Variants in SMIM12 observed in about 807,000 individuals in gnomAD.
SMIM12 encodes small integral membrane protein 12, also known as UPF0767 protein C1orf212.
In SMIM12, 5 loss-of-function variants were observed where a neutral mutation model predicts 6.3. The observed-to-expected ratio is 0.80, with a 90% CI of 0.42 to 1.68. SMIM12 has a LOEUF of 1.68. Among genes scored for constraint, SMIM12 ranks in the 40% most tolerant of loss-of-function variants. The pLI, the probability that SMIM12 is intolerant of heterozygous loss-of-function variation, is 0.02. For synonymous variants in SMIM12, 51 were observed against 48.0 expected (o/e 1.06, Z -0.26); for missense variants, 103 against 121.4 (o/e 0.85, Z 0.71).
intron 1 of SMIM12, chr1:34,857,887 A>G (rs373844595): frequency 6.6e-6 from 1 of 152,174 alleles, no homozygotes; most frequent in East Asian, 1.9e-4. Flanking sequence ...AGGGGCACAC[A>G]ACGTAGATCC....
rs138978598 is a variant in SMIM12 at position 34,855,191 on chromosome 1, G to A, written c.*508C>T. 5 of 1,368,124 alleles carry A rather than the reference G, an allele frequency of 3.7e-6. No individual in the cohort carries two copies. In the African/African-American group the frequency reaches 5.9e-5, roughly 16 times the overall value. 84.7% of individuals were successfully genotyped at this position (1,368,124 alleles called of 1,614,324 possible). On this transcript the variant is annotated 3_prime_UTR_variant, in exon 2 of 2. Coordinates refer to ENST00000521580, the MANE Select transcript of SMIM12 (RefSeq NM_138428.6). ...TCTGGGCTTCCCAGAACAGAAAAGT[G>A]CTTTCCTTCCTGGGGGAATCCCATT...
rs2025004 is a variant in SMIM12, at chr1:34,851,813, C to T, written c.*3886G>A. 6.6e-6 allele frequency among the ~76,000 whole-genome samples: 1 copy of T among 151,960 alleles called. No homozygotes were observed. The highest frequency in any genetic ancestry group is 2.4e-5 in the African/African-American group (1 of 41,356). ...TGGGCTGGGAAGAGACGGGGGTAAGCGGGGAGCAAAAAGCCCCAAGCACAT... is the reference window on the plus strand; with the variant it reads ...TGGGCTGGGAAGAGACGGGGGTAAGTGGGGAGCAAAAAGCCCCAAGCACAT... On this transcript the variant is annotated 3_prime_UTR_variant, in exon 2 of 2. Coordinates refer to ENST00000521580, the MANE Select transcript of SMIM12 (RefSeq NM_138428.6).
rs752353316 is a variant in SMIM12, at chr1:34,855,099, A to G, written c.*600T>C. Reference sequence around the variant, plus strand: ...TTTTTCACTATACAGTGATGGGGGTAGAAGATGGTGACTGTTTTCAAGCAA... The same window carrying G: ...TTTTTCACTATACAGTGATGGGGGTGGAAGATGGTGACTGTTTTCAAGCAA... On this transcript the variant is annotated 3_prime_UTR_variant, in exon 2 of 2. Transcript: ENST00000521580. The G allele has an allele frequency of 7.6e-7, 1 of 1,321,340 alleles. No homozygotes were observed. The highest frequency in any genetic ancestry group is 1.0e-6 in the Non-Finnish European group (1 of 998,450). 81.9% of individuals were successfully genotyped at this position (1,321,340 alleles called of 1,614,324 possible). A position where few individuals can be genotyped will look rare whatever the true frequency, so the allele number is the denominator to read the frequency against.
Position 34,854,822 on chromosome 1 carries a change from C to CT in SMIM12, c.*876dup, listed in dbSNP as rs1272010413. ...GCGTCTATGTGTGTGTATGTGAGGT[C>CT]TACCTCCATTTAGACTTGAAGGTGC... On this transcript the variant is annotated 3_prime_UTR_variant, in exon 2 of 2. Transcript: ENST00000521580. The CT allele has an allele frequency of 5.0e-6, 1 of 200,520 alleles. No individual in the cohort carries two copies. The highest frequency in any genetic ancestry group is 5.4e-5 in the Admixed American group (1 of 18,690). 12.4% of individuals were successfully genotyped at this position (200,520 alleles called of 1,614,324 possible). A position where few individuals can be genotyped will look rare whatever the true frequency, so the allele number is the denominator to read the frequency against.
chr1:34,854,649 T>A lies in SMIM12; in HGVS notation c.*1050A>T, dbSNP rs779971732. On this transcript the variant is annotated 3_prime_UTR_variant, in exon 2 of 2. Coordinates refer to ENST00000521580, the MANE Select transcript of SMIM12 (RefSeq NM_138428.6). ...GTATATAAAATTAAATGTACAGTAA[T>A]GATAACTATCTCTAAAACCTATGCA... 2.0e-5 allele frequency: 3 copies of A among 153,200 alleles called. No individual in the cohort carries two copies. The highest frequency in any genetic ancestry group is 4.4e-5 in the Non-Finnish European group (3 of 68,820). 9.5% of individuals were successfully genotyped at this position (153,200 alleles called of 1,614,324 possible).
chr1:34,855,432 C>T lies in SMIM12; in HGVS notation c.*267G>A. The T allele has an allele frequency of 1.3e-6, 2 of 1,559,618 alleles. No individual in the cohort carries two copies. Among genetic ancestry groups the T allele is most frequent in the South Asian group, 2.2e-5 (2 of 89,788 alleles). On this transcript the variant is annotated 3_prime_UTR_variant, in exon 2 of 2. Coordinates refer to ENST00000521580, the MANE Select transcript of SMIM12 (RefSeq NM_138428.6). ...GACAGCCAATGTTCATCTCATAACT[C>T]TCCTCCCAGCAGTGCACCAGTAAAC...
Position 34,854,222 on chromosome 1 carries a change from C to T in SMIM12, c.*1477G>A, listed in dbSNP as rs1172943281. ...ACTTAGGAAGCTGAGGTAGGAGAAT[C>T]GCTTGAACCCAGGAGGCAGAAGTTG... is the stretch of plus-strand genomic sequence containing the variant. On this transcript the variant is annotated 3_prime_UTR_variant, in exon 2 of 2. Transcript: ENST00000521580. The T allele has an allele frequency of 2.0e-5, 3 of 152,132 alleles. No individual in the cohort carries two copies. The highest frequency in any genetic ancestry group is 2.9e-5 in the Non-Finnish European group (2 of 68,074). The allele number at this position is 152,132 out of a possible 1,614,324, so 9.4% of individuals were successfully genotyped here.
intron 1 of SMIM12, chr1:34,858,555 G>C (rs1638723621): frequency 6.6e-6 from 1 of 152,148 alleles, no homozygotes; most frequent in African/African-American, 2.4e-5. Flanking sequence ...AGTTAAAAGA[G>C]GCACCTCTGA....
chr1:34,852,402 A>G lies in SMIM12; in HGVS notation c.*3297T>C, dbSNP rs888927029. 4.0e-5 allele frequency among the ~76,000 whole-genome samples: 6 copies of G among 151,244 alleles called. No individual in the cohort carries two copies. Among genetic ancestry groups the G allele is most frequent in the Non-Finnish European group, 8.8e-5 (6 of 67,868 alleles). On this transcript the variant is annotated 3_prime_UTR_variant, in exon 2 of 2. Coordinates refer to ENST00000521580, the MANE Select transcript of SMIM12 (RefSeq NM_138428.6). The stretch of plus-strand genomic sequence containing the variant: ...TAAGCTGCCTTTGTACAGGATGCCC[A>G]AAAGTGTTTTGAGGGAAACCAATTC...
chr1:34,857,166 T>A lies in SMIM12; in HGVS notation c.-5-1184A>T, dbSNP rs1171566702. On this transcript the variant is annotated intron_variant, in intron 1 of 1. Coordinates refer to ENST00000521580, the MANE Select transcript of SMIM12 (RefSeq NM_138428.6). The stretch of plus-strand genomic sequence containing the variant: ...TTTACATAAAAAGCTCCTGAAAATA[T>A]CACAAATCATTATACATACTCTGGA... 8 of 135,996 alleles carry A rather than the reference T, an allele frequency of 5.9e-5. No homozygotes were observed. The Admixed American group carries it at 6.7e-4, about 11-fold the overall frequency. 8.4% of individuals were successfully genotyped at this position (135,996 alleles called of 1,614,324 possible). A position where few individuals can be genotyped will look rare whatever the true frequency, so the allele number is the denominator to read the frequency against.
rs1472473727 is a variant in SMIM12, at chr1:34,853,873, C to G, written c.*1826G>C. ...CGGCGCACACCTGTAATCCCAGCTA[C>G]TCAGGAGGCTGAGGCAGGAGAATCG... On this transcript the variant is annotated 3_prime_UTR_variant, in exon 2 of 2. Coordinates refer to ENST00000521580, the MANE Select transcript of SMIM12 (RefSeq NM_138428.6). The G allele has an allele frequency of 1.3e-5, 2 of 152,212 alleles. No individual in the cohort carries two copies. The highest frequency in any genetic ancestry group is 2.9e-5 in the Non-Finnish European group (2 of 68,132). The allele number at this position is 152,212 out of a possible 1,614,324, so 9.4% of individuals were successfully genotyped here.
Position 34,855,950 on chromosome 1 carries a change from G to A in SMIM12, c.28C>T (p.Arg10Cys), listed in dbSNP as rs908404577. 20 of 1,549,654 alleles carry A rather than the reference G, an allele frequency of 1.3e-5. No homozygotes were observed. The highest frequency in any genetic ancestry group is 3.3e-4 in the Middle Eastern group (2 of 6,008). ...AATGTGACATAAGGAGCATAGGTAC[G>A]AACCACGGTCCAAAACACAGGCCAC... MWPVFWTVVRTYAPYVTFPV... is the reference protein window; with the variant it reads MWPVFWTVVCTYAPYVTFPV... The change falls in exon 2 of 2, where the codon CGT becomes TGT. Residue 10 changes from arginine to cysteine, a missense_variant. Physicochemically the swap from Arg to Cys is radical, Grantham distance 180. Transcript: ENST00000521580.
At position 34,855,248 on chromosome 1, in the gene SMIM12, T is replaced by C. The variant is rs781487119; in HGVS notation, c.*451A>G. ...CTGACAAGACAGATTTCAGTAAGAA[T>C]GAGCACAAAGGATAGGGCAAAATAG... On this transcript the variant is annotated 3_prime_UTR_variant, in exon 2 of 2. Coordinates refer to ENST00000521580, the MANE Select transcript of SMIM12 (RefSeq NM_138428.6). 3 of 1,370,194 alleles carry C rather than the reference T, an allele frequency of 2.2e-6. No homozygotes were observed. Among genetic ancestry groups the C allele is most frequent in the South Asian group, 1.1e-5 (1 of 88,066 alleles). The allele number at this position is 1,370,194 out of a possible 1,614,324, so 84.9% of individuals were successfully genotyped here. A position where few individuals can be genotyped will look rare whatever the true frequency, so the allele number is the denominator to read the frequency against.
Position 34,855,377 on chromosome 1 carries a change from T to A in SMIM12, c.*322A>T. On this transcript the variant is annotated 3_prime_UTR_variant, in exon 2 of 2. Transcript: ENST00000521580. ...ACGCCCAAATCCCAGCCATTCCCACTAGAGGCCAAACCGCCTGCCCACAGA... is the reference window on the plus strand; with the variant it reads ...ACGCCCAAATCCCAGCCATTCCCACAAGAGGCCAAACCGCCTGCCCACAGA... 6.8e-7 allele frequency: 1 copy of A among 1,467,532 alleles called. No individual in the cohort carries two copies. Among genetic ancestry groups the A allele is most frequent in the Non-Finnish European group, 9.2e-7 (1 of 1,086,828 alleles). The allele number at this position is 1,467,532 out of a possible 1,614,324, so 90.9% of individuals were successfully genotyped here. A position where few individuals can be genotyped will look rare whatever the true frequency, so the allele number is the denominator to read the frequency against.
intron 1 of SMIM12, chr1:34,858,954 C>T (rs1638736198): frequency 6.6e-6 from 1 of 152,086 alleles, no homozygotes; most frequent in Admixed American, 6.5e-5. Context: ...GGCAGAGTGC[C>T]CAAAAAAGGT....
At chr1:34,856,049 C>G (rs375353838) in intron 1 of SMIM12, 67 bp from the exon 2 acceptor site, 1 of 1,445,700 alleles carries the variant, frequency 6.9e-7, no homozygotes, top group Non-Finnish European at 9.1e-7. Flanking sequence ...GAGCAACCCA[C>G]TAGAGCTCTC....
Position 34,851,811 on chromosome 1 carries a change from A to G in SMIM12, c.*3888T>C, listed in dbSNP as rs1640937703. Reference sequence around the variant, plus strand: ...ATTGGGCTGGGAAGAGACGGGGGTAAGCGGGGAGCAAAAAGCCCCAAGCAC... The same window carrying G: ...ATTGGGCTGGGAAGAGACGGGGGTAGGCGGGGAGCAAAAAGCCCCAAGCAC... On this transcript the variant is annotated 3_prime_UTR_variant, in exon 2 of 2. Coordinates refer to ENST00000521580, the MANE Select transcript of SMIM12 (RefSeq NM_138428.6). 6.6e-6 allele frequency among the ~76,000 whole-genome samples: 1 copy of G among 152,188 alleles called. No individual in the cohort carries two copies. The highest frequency in any genetic ancestry group is 2.4e-5 in the African/African-American group (1 of 41,464).
chr1:34,852,485 A>AAG lies in SMIM12; in HGVS notation c.*3213_*3214insCT, dbSNP rs1638477871. On this transcript the variant is annotated 3_prime_UTR_variant, in exon 2 of 2. Coordinates refer to ENST00000521580, the MANE Select transcript of SMIM12 (RefSeq NM_138428.6). ...CGCCAAAAAAAAAAAAAAAAAAAAA[A>AAG]CCATAATTATAGGTGTCATCAGAAG... Among the ~76,000 whole-genome samples the AAG allele has an allele frequency of 6.7e-6, 1 of 148,302 alleles. No homozygotes were observed. Among genetic ancestry groups the AAG allele is most frequent in the East Asian group, 1.9e-4 (1 of 5,148 alleles).
intron 1 of SMIM12, among the ~76,000 whole-genome samples, chr1:34,859,232 C>A (rs1405501213): frequency 3.3e-5 from 5 of 152,256 alleles, no homozygotes; most frequent in Non-Finnish European, 7.3e-5. Flanking sequence ...GCTGGGAAAC[C>A]TGCCCCAGTG....
Sources: gnomAD v4.1 joint callset for allele counts (sites outside exome capture counted in the v4.1 genomes callset) on GRCh38, gnomAD v4.1.1 for gene constraint, MANE v1.5 for transcripts, NCBI Gene and HGNC (gene_info 2026-07-23, HGNC 2026-07-21) for gene names.